Variants in PASK observed in about 807,000 individuals in gnomAD.
PASK encodes PAS domain containing serine/threonine kinase.
Under a neutral mutation model 121.0 loss-of-function variants are expected in PASK, and 110 were observed. The observed-to-expected ratio is 0.91, with a 90% CI of 0.78 to 1.06. The LOEUF is 1.06. Ranked by LOEUF, PASK falls within the 50% of genes least tolerant of loss-of-function variation. The pLI, the probability that PASK is intolerant of heterozygous loss-of-function variation, is 0.00. For synonymous variants in PASK, 686 were observed against 717.8 expected (o/e 0.96, Z 0.71); for missense variants, 1,643 against 1,702.3 (o/e 0.97, Z 0.61).
rs978415247 is a variant in PASK at position 241,138,019 on chromosome 2, A to G, written c.810T>C (p.Ala270=). Residue 270 remains alanine (A), a synonymous_variant, in exon 6 of 18, where the codon GCT becomes GCC. Transcript: ENST00000234040. Reference sequence around the variant, plus strand: ...GGATCAGGTCTGTGATATGCTGCCCAGCCACGTCCTCCCCAGACACGTACC... The same window carrying G: ...GGATCAGGTCTGTGATATGCTGCCCGGCCACGTCCTCCCCAGACACGTACC... ...LHGYVSGEDV[A]GQHITDLIPS... The G allele has an allele frequency of 6.2e-7, 1 of 1,614,212 alleles. No homozygotes were observed. The highest frequency in any genetic ancestry group is 8.5e-7 in the Non-Finnish European group (1 of 1,180,004).
At chr2:241,117,264 G>A (rs755615531) in intron 12 of PASK, among the ~76,000 whole-genome samples, 73 of 152,352 alleles carry the variant, frequency 4.8e-4, no homozygotes, top group Admixed American at 8.5e-4. Flanking sequence ...CCTTTGACGG[G>A]AGGGTCACTA....
Position 241,118,910 on chromosome 2 carries a change from C to A in PASK, c.3073-3497G>T, listed in dbSNP as rs2065484960. 5 of 1,034,670 alleles carry A rather than the reference C, an allele frequency of 4.8e-6. No individual in the cohort carries two copies. In the South Asian group the frequency reaches 1.7e-4, roughly 35 times the overall value. 64.1% of individuals were successfully genotyped at this position (1,034,670 alleles called of 1,614,324 possible). On this transcript the variant is annotated intron_variant, in intron 12 of 17. Coordinates refer to ENST00000234040, the MANE Select transcript of PASK (RefSeq NM_015148.4). ...ACCCGCAGCAGCTGGCTGCCGAGAT[C>A]TTCTCATACAAGTCCCAGCACCCCA...
intron 14 of PASK, chr2:241,113,913 T>G (rs971915631): frequency 3.0e-6 from 3 of 984,290 alleles, no homozygotes; most frequent in Non-Finnish European, 3.6e-6. Flanking sequence ...TCATATACTT[T>G]ATAAAATTGT....
chr2:241,126,935 G>A lies in PASK; in HGVS notation c.1980C>T (p.Cys660=), dbSNP rs1488493819. Reference sequence around the variant, plus strand: ...ACTGGGACAGCTGCTCCTTAATCAAGCAGGTCTGCAGCTCTTCTCGGTCGT... The same window carrying A: ...ACTGGGACAGCTGCTCCTTAATCAAACAGGTCTGCAGCTCTTCTCGGTCGT... ...VENDREELQT[C]LIKEQLSQLS... The change falls in exon 10 of 18, where the codon TGC becomes TGT. Residue 660 remains cysteine (C), a synonymous_variant. Coordinates refer to ENST00000234040, the MANE Select transcript of PASK (RefSeq NM_015148.4). The A allele has an allele frequency of 2.4e-5, 38 of 1,614,058 alleles. No homozygotes were observed. The highest frequency in any genetic ancestry group is 2.9e-5 in the Non-Finnish European group (34 of 1,180,032).
upstream of PASK, chr2:241,149,910 C>G (rs955071035): frequency 2.8e-6 from 4 of 1,434,088 alleles, no homozygotes; most frequent in South Asian, 1.5e-5. Flanking sequence ...GCAAGTGCCC[C>G]GCACCTGCCC....
At chr2:241,124,339 G>A (rs566632876) in intron 10 of PASK, among the ~76,000 whole-genome samples, 4 of 152,160 alleles carry the variant, frequency 2.6e-5, no homozygotes, top group African/African-American at 4.8e-5. Context: ...TGTCAGGGCC[G>A]GCCAGGGAAA....
In PASK at chr2:241,132,971, T is replaced by G; in HGVS notation, c.1366A>C (p.Lys456Gln). 6.2e-7 allele frequency: 1 copy of G among 1,613,992 alleles called. No homozygotes were observed. Among genetic ancestry groups the G allele is most frequent in the South Asian group, 1.1e-5 (1 of 91,080 alleles). Residue 456 changes from lysine (K) to glutamine (Q), a missense_variant, in exon 9 of 18, where the codon AAG becomes CAG. Lys to Gln is a moderately conservative substitution (Grantham distance 53). Coordinates refer to ENST00000234040, the MANE Select transcript of PASK (RefSeq NM_015148.4). ...GHVVPRDEIRKLMESQDIFTG... is the reference protein window; with the variant it reads ...GHVVPRDEIRQLMESQDIFTG... ...AAGATGTCTTGGCTTTCCATCAGCT[T>G]CCGGATCTCATCTCGGGGCACAACG...
At chr2:241,137,852 G>A in intron 6 of PASK, 101 bp downstream of exon 6, 1 of 1,339,506 alleles carries the variant, frequency 7.5e-7, no homozygotes, top group Non-Finnish European at 1.1e-6. Context: ...CACCCCTAAG[G>A]CCACCCTTGC....
intron 2 of PASK, 29 bp from the exon 3 acceptor site, chr2:241,140,782 G>A (rs1424209989): frequency 6.9e-7 from 1 of 1,458,910 alleles, no homozygotes; most frequent in Non-Finnish European, 9.6e-7. Flanking sequence ...CGAAGCTTTA[G>A]ACTTCACACA....
At chr2:241,136,060 A>C in intron 7 of PASK, 21 bp from the exon 8 acceptor site, 1 of 1,610,216 alleles carries the variant, frequency 6.2e-7, no homozygotes, top group East Asian at 2.2e-5. Flanking sequence ...AAGCAGGGAC[A>C]TTTCAGAACC....
chr2:241,149,372 A>G (rs1445508992), intron 1 of PASK, 42 bp downstream of exon 1: 11 of 379,500 alleles, frequency 2.9e-5, no homozygotes, highest in Non-Finnish European at 5.3e-5. Flanking sequence ...CCCTGGGGAG[A>G]TGGCGGAGCC....
intron 10 of PASK, among the ~76,000 whole-genome samples, chr2:241,125,899 C>T (rs2065836091): frequency 6.6e-6 from 1 of 152,194 alleles, no homozygotes; most frequent in East Asian, 1.9e-4. Context: ...GGGATCTCCC[C>T]AGGCTGCTGG....
At position 241,112,861 on chromosome 2, in the gene PASK, A is replaced by C. The variant is rs959095851; in HGVS notation, c.3334-422T>G. 13 of 203,090 alleles carry C rather than the reference A, an allele frequency of 6.4e-5. No homozygotes were observed. The highest frequency in any genetic ancestry group is 5.4e-4 in the Admixed American group (10 of 18,628). 12.6% of individuals were successfully genotyped at this position (203,090 alleles called of 1,614,324 possible). On this transcript the variant is annotated intron_variant, in intron 14 of 17. Transcript: ENST00000234040. This position sits in a 1 kb window ranked among gnomAD's most constrained non-coding sequence, Gnocchi z 5.2. ...GTTAAGTGGGAAGTACCCAAGAGAA[A>C]GCACCAAGTCGATAACCTCAGCTCA... is the stretch of plus-strand genomic sequence containing the variant.
intron 12 of PASK, among the ~76,000 whole-genome samples, chr2:241,120,456 G>A (rs543880770): frequency 2.3e-4 from 35 of 149,302 alleles, no homozygotes; most frequent in Non-Finnish European, 4.0e-4. Context: ...TTGTGCCACT[G>A]CACTCCAGCC....
intron 12 of PASK, among the ~76,000 whole-genome samples, chr2:241,115,684 GCC>G (rs2065309581): frequency 5.5e-5 from 8 of 146,230 alleles, no homozygotes; most frequent in African/African-American, 1.6e-4. Context: ...TTACACCAGG[GCC>G]ACCCAGTCCT....
chr2:241,126,554 C>T lies in PASK; in HGVS notation c.2361G>A (p.Gln787=). The T allele has an allele frequency of 6.2e-7, 1 of 1,614,230 alleles. No individual in the cohort carries two copies. Among genetic ancestry groups the T allele is most frequent in the Non-Finnish European group, 8.5e-7 (1 of 1,180,010 alleles). The change falls in exon 10 of 18, where the codon CAG becomes CAA. Residue 787 remains glutamine, a synonymous_variant. Coordinates refer to ENST00000234040, the MANE Select transcript of PASK (RefSeq NM_015148.4). ...CCCTGTCATCCAGGACACACGACCC[C>T]TGTTCCTGGAGACTGCCTACATCTG... ...SDPDVGSLQE[Q]GSCVLDDREL...
upstream of PASK, chr2:241,149,626 T>C (rs2067187588): frequency 3.9e-6 from 6 of 1,537,240 alleles, no homozygotes; most frequent in African/African-American, 2.7e-5. Flanking sequence ...CCTACGGCGC[T>C]TCGGAGGAGC....
intron 14 of PASK, chr2:241,114,410 G>GGGGGAGC: frequency 5.1e-6 from 5 of 986,446 alleles, no homozygotes; most frequent in Non-Finnish European, 6.0e-6. Flanking sequence ...CAGTTCTTCT[G>GGGGGAGC]GGGGAGCTGG....
intron 10 of PASK, among the ~76,000 whole-genome samples, chr2:241,124,336 G>A (rs1376263647): frequency 1.3e-5 from 2 of 152,190 alleles, no homozygotes; most frequent in Non-Finnish European, 1.5e-5. Flanking sequence ...AGCTGTCAGG[G>A]CCGGCCAGGG....
Sources: allele counts gnomAD v4.1 joint callset (sites outside exome capture counted in the v4.1 genomes callset), GRCh38; gene constraint gnomAD v4.1.1; non-coding constraint Gnocchi (gnomAD v3.1); transcripts MANE v1.5; gene names NCBI Gene and HGNC (gene_info 2026-07-23, HGNC 2026-07-21).